Variants in PDZD2 observed in about 807,000 individuals in gnomAD.
PDZD2 encodes the protein PDZ domain containing 2.
PDZD2 carries 90 observed loss-of-function variants against 220.7 expected under a neutral mutation model. The ratio of observed to expected loss-of-function variants is 0.41; its 90% CI spans 0.34 to 0.49. The LOEUF is 0.49. Ranked by LOEUF, PDZD2 falls within the 20% of genes least tolerant of loss-of-function variation. The pLI, the probability that PDZD2 is intolerant of heterozygous loss-of-function variation, is 0.28. For synonymous variants in PDZD2, 1,375 were observed against 1,450.5 expected (o/e 0.95, Z 1.18); for missense variants, 3,174 against 3,608.5 (o/e 0.88, Z 3.08).
intron 1 of PDZD2, among the ~76,000 whole-genome samples, chr5:31,651,465 G>A (rs1183431026): frequency 1.3e-5 from 2 of 152,258 alleles, no homozygotes; most frequent in South Asian, 2.1e-4. Flanking sequence ...CATGCAGGTG[G>A]GTAGTCACAG....
intron 2 of PDZD2, among the ~76,000 whole-genome samples, chr5:31,864,539 G>A (rs983952750): frequency 1.9e-4 from 29 of 150,078 alleles, no homozygotes; most frequent in African/African-American, 4.2e-4. Context: ...TTTTTTTGGA[G>A]ACGGAGTTTC....
chr5:31,714,780 C>A (rs1748337531), intron 1 of PDZD2, among the ~76,000 whole-genome samples: 1 of 151,970 alleles, frequency 6.6e-6, no homozygotes. Context: ...TGCCTGGGGC[C>A]AGGCGCAGTT....
Position 31,799,447 on chromosome 5 carries a change from G to A in PDZD2, c.199G>A (p.Glu67Lys). 6.2e-7 allele frequency: 1 copy of A among 1,614,230 alleles called. No individual in the cohort carries two copies. Among genetic ancestry groups the A allele is most frequent in the East Asian group, 2.2e-5 (1 of 44,878 alleles). ...VPPDHSPPEM[E>K]ICTVYLTKEL... is the part of the protein sequence containing the mutation. ...ACCTGATCACAGCCCCCCCGAAATG[G>A]AGATCTGTACTGTGTACCTCACCAA... The change falls in exon 2 of 25, where the codon GAG becomes AAG. Residue 67 changes from glutamate (E) to lysine (K), a missense_variant. Glu to Lys is a moderately conservative substitution (Grantham distance 56). This residue lies in a region of PDZD2 where 632 missense variants were observed against 708.1 expected (regional missense o/e 0.89). Transcript: ENST00000438447.
chr5:31,864,839 C>CTTTT (rs70955752), intron 2 of PDZD2, among the ~76,000 whole-genome samples: 6 of 70,932 alleles, frequency 8.5e-5, no homozygotes, highest in Non-Finnish European at 1.3e-4. Flanking sequence ...TGAGATTTGT[C>CTTTT]TTTTTTTTTT....
At chr5:31,941,743 C>T (rs1422600782) in intron 2 of PDZD2, among the ~76,000 whole-genome samples, 3 of 152,290 alleles carry the variant, frequency 2.0e-5, no homozygotes, top group South Asian at 2.1e-4. Flanking sequence ...GCTCTTATGC[C>T]TGTGTCTAAT....
chr5:31,884,652 G>T (rs372360752), intron 2 of PDZD2, among the ~76,000 whole-genome samples: 1 of 151,926 alleles, frequency 6.6e-6, no homozygotes, highest in Admixed American at 6.6e-5. Flanking sequence ...GCAATGGCGC[G>T]ATCTCGGCTC....
Position 32,088,312 on chromosome 5 carries a change from G to A in PDZD2, c.4864G>A (p.Ala1622Thr). 1 of 1,613,994 alleles carries A rather than the reference G, an allele frequency of 6.2e-7. No homozygotes were observed. The highest frequency in any genetic ancestry group is 8.5e-7 in the Non-Finnish European group (1 of 1,179,970). Residue 1622 changes from alanine to threonine, a missense_variant, in exon 20 of 25, where the codon GCC becomes ACC. Transcript: ENST00000438447. This position sits in a 1 kb window ranked among gnomAD's most constrained non-coding sequence, Gnocchi z 4.6. ...SSPAHLPTQA[A>T]ICPASAKVLS... is the part of the protein sequence containing the mutation. ...TCCTGCTCATCTTCCCACCCAGGCT[G>A]CCATCTGTCCTGCCTCAGCCAAAGT...
At chr5:31,974,040 G>C (rs1749529458) in intron 2 of PDZD2, among the ~76,000 whole-genome samples, 1 of 152,158 alleles carries the variant, frequency 6.6e-6, no homozygotes, top group Admixed American at 6.6e-5. Context: ...GAATGTAGTG[G>C]TGCCATCTTG....
rs549873230 is a variant in PDZD2, at chr5:32,083,166, T to C, written c.3683-3965T>C. On this transcript the variant is annotated intron_variant, in intron 19 of 24. Coordinates refer to ENST00000438447, the MANE Select transcript of PDZD2 (RefSeq NM_178140.4). This position sits in a 1 kb window ranked among gnomAD's most constrained non-coding sequence, Gnocchi z 4.1. ...GTGCGTATATGGGTGTGAATAAATA[T>C]ATAGTCCTGTGCTTTTTTTGTCTTT... 1.3e-5 allele frequency among the ~76,000 whole-genome samples: 2 copies of C among 150,226 alleles called. No homozygotes were observed. The highest frequency in any genetic ancestry group is 4.3e-4 in the South Asian group (2 of 4,656).
intron 2 of PDZD2, among the ~76,000 whole-genome samples, chr5:31,857,693 A>G (rs1758577729): frequency 6.6e-6 from 1 of 152,168 alleles, no homozygotes; most frequent in African/African-American, 2.4e-5. Context: ...ATGAAGTTTC[A>G]TTGTAAGACT....
intron 2 of PDZD2, among the ~76,000 whole-genome samples, chr5:31,801,599 TAGTC>T (rs1754390504): frequency 6.6e-6 from 1 of 152,120 alleles, no homozygotes; most frequent in Non-Finnish European, 1.5e-5. Context: ...GAGGACGAAG[TAGTC>T]AGGAGCTCCA....
chr5:31,777,476 G>A (rs541660043), intron 1 of PDZD2, among the ~76,000 whole-genome samples: 90 of 152,234 alleles, frequency 5.9e-4, no homozygotes, highest in Admixed American at 3.1e-3. Context: ...TGGGCCCATC[G>A]ACCATCCAAG....
intron 1 of PDZD2, among the ~76,000 whole-genome samples, chr5:31,756,561 G>T (rs1751319180): frequency 6.6e-6 from 1 of 152,180 alleles, no homozygotes. Context: ...GTGCTTGGTG[G>T]ATACCAGACC....
intron 1 of PDZD2, among the ~76,000 whole-genome samples, chr5:31,649,610 T>G (rs1247362386): frequency 6.6e-6 from 1 of 152,060 alleles, no homozygotes; most frequent in Admixed American, 6.6e-5. Flanking sequence ...TTTCTGCCTT[T>G]CCTTTAAGGT....
intron 2 of PDZD2, among the ~76,000 whole-genome samples, chr5:31,931,234 G>C (rs1363718140): frequency 6.6e-6 from 1 of 151,566 alleles, no homozygotes; most frequent in Non-Finnish European, 1.5e-5. Flanking sequence ...TGTTGGCCAG[G>C]CTGGTTTCGA....
Position 31,799,372 on chromosome 5 carries a change from C to A in PDZD2, c.124C>A (p.Leu42Met), listed in dbSNP as rs747470266. 49 of 1,614,094 alleles carry A rather than the reference C, an allele frequency of 3.0e-5. No homozygotes were observed. Among genetic ancestry groups the A allele is most frequent in the Non-Finnish European group, 3.6e-5 (42 of 1,180,026 alleles). ...GCTCTGCCAGGCGGCCATCCAGAAG[C>A]TGCAGGAGTACATCCAGCTGAACTT... Reference protein sequence around the residue: ...QRLCQAAIQKLQEYIQLNFAV... With the variant: ...QRLCQAAIQKMQEYIQLNFAV... The change falls in exon 2 of 25, where the codon CTG becomes ATG. Residue 42 changes from leucine to methionine, a missense_variant. Coordinates refer to ENST00000438447, the MANE Select transcript of PDZD2 (RefSeq NM_178140.4).
At chr5:31,791,006 AACTTAATGTATGCT>A (rs1753687514) in intron 1 of PDZD2, among the ~76,000 whole-genome samples, 1 of 151,878 alleles carries the variant, frequency 6.6e-6, no homozygotes, top group South Asian at 2.1e-4. Context: ...CCTGAATTTT[AACTTAATGTATGCT>A]ACTTAATGTA....
At position 32,090,591 on chromosome 5, in the gene PDZD2, C is replaced by T; in HGVS notation, c.7143C>T (p.Ser2381=). The T allele has an allele frequency of 1.2e-6, 2 of 1,614,040 alleles. No homozygotes were observed. Among genetic ancestry groups the T allele is most frequent in the Non-Finnish European group, 1.7e-6 (2 of 1,179,996 alleles). Reference sequence around the variant, plus strand: ...CTTCCGGCAGCATTGTTTCCGGGAGCCTGGGCCACCCAGGTGACGCAGCAG... The same window carrying T: ...CTTCCGGCAGCATTGTTTCCGGGAGTCTGGGCCACCCAGGTGACGCAGCAG... ...RRSSGSIVSG[S]LGHPGDAAAR... Residue 2381 remains serine (S), a synonymous_variant, in exon 20 of 25, where the codon AGC becomes AGT. Coordinates refer to ENST00000438447, the MANE Select transcript of PDZD2 (RefSeq NM_178140.4). This position sits in a 1 kb window ranked among gnomAD's most constrained non-coding sequence, Gnocchi z 4.3.
chr5:31,708,886 T>G (rs406266), intron 1 of PDZD2, among the ~76,000 whole-genome samples: 31,444 of 146,080 alleles, frequency 0.22, 3,581 homozygotes, highest in East Asian at 0.36. Context: ...GTTTTGTTTT[T>G]TTTTTTTTTT....
Sources: allele counts gnomAD v4.1 joint callset (sites outside exome capture counted in the v4.1 genomes callset), GRCh38; gene constraint gnomAD v4.1.1; regional missense constraint gnomAD v4.1.1; non-coding constraint Gnocchi (gnomAD v3.1); transcripts MANE v1.5; gene names NCBI Gene and HGNC (gene_info 2026-07-23, HGNC 2026-07-21).